Variants in FRRS1L observed in about 807,000 individuals in gnomAD.
FRRS1L encodes the protein ferric chelate reductase 1 like.
FRRS1L carries 22 observed loss-of-function variants against 28.6 expected under a neutral mutation model. The observed-to-expected ratio is 0.77, with a 90% confidence interval of 0.55 to 1.10. FRRS1L has a LOEUF of 1.10. FRRS1L is among the 50% of genes least tolerant of loss of function. The probability of loss-of-function intolerance (pLI) is 0.00; values close to 1 mark genes in which losing one functional copy is unlikely to be tolerated. For missense variants in FRRS1L, 380 were observed against 386.9 expected (o/e 0.98, Z 0.15); for synonymous variants, 158 against 151.4 (o/e 1.04, Z -0.32).
intron 2 of FRRS1L, 33 bp downstream of exon 2, chr9:109,149,603 C>G (rs377188693): frequency 7.1e-7 from 1 of 1,414,766 alleles, no homozygotes; most frequent in African/African-American, 1.4e-5. Flanking sequence ...TCAGTCTTAG[C>G]CTTAAAGTTA....
intron 1 of FRRS1L, among the ~76,000 whole-genome samples, chr9:109,154,552 AAATT>A (rs1226028831): frequency 6.6e-6 from 1 of 152,220 alleles, no homozygotes; most frequent in East Asian, 1.9e-4. Context: ...TTCTAATGGG[AAATT>A]ATTTTAATTG....
At position 109,167,180 on chromosome 9, in the gene FRRS1L, CG is replaced by C. The variant is rs1193262828; in HGVS notation, c.-43del. 2 of 1,156,060 alleles carry C rather than the reference CG, an allele frequency of 1.7e-6. No individual in the cohort carries two copies. The highest frequency in any genetic ancestry group is 2.1e-6 in the Non-Finnish European group (2 of 942,204). 71.6% of individuals were successfully genotyped at this position (1,156,060 alleles called of 1,614,324 possible). On this transcript the variant is annotated 5_prime_UTR_variant, in exon 1 of 5. Transcript: ENST00000561981. The stretch of plus-strand genomic sequence containing the variant: ...CGCAGCCAGGCCGCTCGGGCCGCAG[CG>C]GGGGCGCCGCGGGCGCGGGCCGGGA...
chr9:109,139,679 T>C (rs1434474582), intron 4 of FRRS1L: 1 of 152,210 alleles, frequency 6.6e-6, no homozygotes, highest in African/African-American at 2.4e-5. Flanking sequence ...TTTCCCAGGG[T>C]ACCGAAAGTA....
At chr9:109,161,054 T>C (rs1831474928) in intron 1 of FRRS1L, among the ~76,000 whole-genome samples, 1 of 152,156 alleles carries the variant, frequency 6.6e-6, no homozygotes, top group Admixed American at 6.5e-5. Flanking sequence ...CTTCCCAACG[T>C]GCTGGGATTA....
chr9:109,159,693 T>G (rs1831457515), intron 1 of FRRS1L, among the ~76,000 whole-genome samples: 1 of 152,162 alleles, frequency 6.6e-6, no homozygotes. Flanking sequence ...TTTAAGCAGG[T>G]GGCCTTTGAG....
intron 4 of FRRS1L, 121 bp downstream of exon 4, chr9:109,141,222 T>C: frequency 3.6e-6 from 4 of 1,102,046 alleles, no homozygotes; most frequent in South Asian, 1.5e-5. Flanking sequence ...GCATCTCCTT[T>C]TCCTTTAAAT....
intron 4 of FRRS1L, chr9:109,140,143 A>T (rs978996916): frequency 5.3e-5 from 8 of 152,258 alleles, no homozygotes; most frequent in African/African-American, 7.2e-5. Context: ...CAGCATGACC[A>T]GGGAGCTTAT....
intron 1 of FRRS1L, among the ~76,000 whole-genome samples, chr9:109,156,820 G>A (rs10979717): frequency 0.32 from 48,282 of 151,442 alleles, 8,056 homozygotes; most frequent in Middle Eastern, 0.37. Flanking sequence ...ACAGGCATGA[G>A]CCACCACACC....
At chr9:109,159,054 C>T (rs1014124149) in intron 1 of FRRS1L, among the ~76,000 whole-genome samples, 11 of 152,148 alleles carry the variant, frequency 7.2e-5, no homozygotes, top group Non-Finnish European at 1.6e-4. Flanking sequence ...ATTTGCATTT[C>T]CTTAACAGCC....
chr9:109,149,744 GT>G, intron 1 of FRRS1L, 24 bp from the exon 2 acceptor site: 1 of 1,507,078 alleles, frequency 6.6e-7, no homozygotes, highest in Non-Finnish European at 9.2e-7. Context: ...ATAAAGAAGG[GT>G]TAGAAAATCC....
intron 1 of FRRS1L, among the ~76,000 whole-genome samples, chr9:109,162,845 G>C (rs192930460): frequency 4.6e-5 from 7 of 152,228 alleles, no homozygotes; most frequent in Admixed American, 4.6e-4. Flanking sequence ...TACCTCTCTG[G>C]CTCTTTCCCA....
intron 1 of FRRS1L, among the ~76,000 whole-genome samples, chr9:109,156,632 G>A (rs183495507): frequency 0.01 from 1,518 of 149,090 alleles, 24 homozygotes; most frequent in African/African-American, 0.036. Flanking sequence ...CTCGTGATCC[G>A]CCCGCCTCGG....
intron 1 of FRRS1L, among the ~76,000 whole-genome samples, chr9:109,158,226 G>C (rs1157278723): frequency 6.6e-6 from 1 of 151,908 alleles, no homozygotes; most frequent in African/African-American, 2.4e-5. Context: ...GTCAGTTTTT[G>C]GTAAGTTGCA....
At chr9:109,158,233 T>G (rs1255875906) in intron 1 of FRRS1L, among the ~76,000 whole-genome samples, 2 of 152,228 alleles carry the variant, frequency 1.3e-5, no homozygotes, top group Admixed American at 1.3e-4. Flanking sequence ...TTTGGTAAGT[T>G]GCATTTTTTT....
intron 1 of FRRS1L, among the ~76,000 whole-genome samples, chr9:109,161,589 T>C (rs991760487): frequency 1.8e-4 from 27 of 152,346 alleles, no homozygotes; most frequent in Admixed American, 1.4e-3. Flanking sequence ...TTGGGCTTTG[T>C]GGTTTCCATT....
intron 3 of FRRS1L, 132 bp from the exon 4 acceptor site, chr9:109,141,721 A>G (rs1158609961): frequency 2.1e-6 from 2 of 963,142 alleles, no homozygotes; most frequent in South Asian, 1.7e-5. Context: ...GTGCCATTAA[A>G]AAGTCTCAAC....
At chr9:109,155,881 A>T (rs768415686) in intron 1 of FRRS1L, among the ~76,000 whole-genome samples, 1 of 151,192 alleles carries the variant, frequency 6.6e-6, no homozygotes, top group African/African-American at 2.5e-5. Context: ...CAGATGCACA[A>T]CCCTGTGAAT....
rs1261326861 is a variant in FRRS1L, at chr9:109,149,893, C to T, written c.239-173G>A. Reference sequence around the variant, plus strand: ...CCTTCATGGGGGAGGGTGTAGGACACACACCTTTGGACCTAATCTTGCATG... The same window carrying T: ...CCTTCATGGGGGAGGGTGTAGGACATACACCTTTGGACCTAATCTTGCATG... On this transcript the variant is annotated intron_variant, in intron 1 of 4. Coordinates refer to ENST00000561981, the MANE Select transcript of FRRS1L (RefSeq NM_014334.4). 7 of 594,460 alleles carry T rather than the reference C, an allele frequency of 1.2e-5. No individual in the cohort carries two copies. The East Asian group carries it at 2.0e-4, about 17-fold the overall frequency. 36.8% of individuals were successfully genotyped at this position (594,460 alleles called of 1,614,324 possible).
chr9:109,167,024 C>A lies in FRRS1L; in HGVS notation c.115G>T (p.Gly39Cys), dbSNP rs1379709044. The A allele has an allele frequency of 1.2e-5, 15 of 1,212,666 alleles. No homozygotes were observed. Among genetic ancestry groups the A allele is most frequent in the Admixed American group, 4.4e-5 (1 of 22,578 alleles). The allele number at this position is 1,212,666 out of a possible 1,614,324, so 75.1% of individuals were successfully genotyped here. Residue 39 changes from glycine to cysteine, a missense_variant, in exon 1 of 5, where the codon GGC becomes TGC. Coordinates refer to ENST00000561981, the MANE Select transcript of FRRS1L (RefSeq NM_014334.4). ...SPADDGAGPGGRGPRGRARGD... is the reference protein window; with the variant it reads ...SPADDGAGPGCRGPRGRARGD... Reference sequence around the variant, plus strand: ...CGCGCGCGTCCCCGGGGTCCCCGGCCCCCCGGGCCCGCACCGTCGTCCGCG... The same window carrying A: ...CGCGCGCGTCCCCGGGGTCCCCGGCACCCCGGGCCCGCACCGTCGTCCGCG...
Sources: allele counts gnomAD v4.1 joint callset (sites outside exome capture counted in the v4.1 genomes callset), GRCh38; gene constraint gnomAD v4.1.1; transcripts MANE v1.5; gene names NCBI Gene and HGNC (gene_info 2026-07-23, HGNC 2026-07-21).